The following BCL2 variants were observed in gnomAD, a reference collection of about 807,000 sequenced individuals.
BCL2 encodes apoptosis regulator Bcl-2.
BCL2 carries 1 observed loss-of-function variant against 14.2 expected under a neutral mutation model. The observed-to-expected ratio is 0.07, with a 90% CI of 0.02 to 0.33. The LOEUF is 0.33. Ranked by LOEUF, BCL2 falls within the 10% of genes least tolerant of loss-of-function variation. BCL2 has a pLI of 0.99. For missense variants in BCL2, 247 were observed against 305.9 expected (o/e 0.81, Z 1.44); for synonymous variants, 151 against 137.2 (o/e 1.10, Z -0.70).
chr18:63,255,241 T>C (rs539997223), intron 2 of BCL2, among the ~76,000 whole-genome samples: 1 of 152,242 alleles, frequency 6.6e-6, no homozygotes, highest in South Asian at 2.1e-4. Flanking sequence ...TTCTGTGGTA[T>C]ATGTTCCTGG....
At chr18:63,199,642 C>A (rs1330049427) in intron 2 of BCL2, among the ~76,000 whole-genome samples, 3 of 151,998 alleles carry the variant, frequency 2.0e-5, no homozygotes, top group Non-Finnish European at 4.4e-5. Flanking sequence ...GAGACACACA[C>A]ATACACGCAG....
chr18:63,254,657 A>G (rs9972996), intron 2 of BCL2, among the ~76,000 whole-genome samples: 112,968 of 152,046 alleles, frequency 0.74, 43,412 homozygotes, highest in Non-Finnish European at 0.85. Context: ...TATTTGAAAC[A>G]TCCATATGTT....
chr18:63,245,502 A>C (rs2144199322), intron 2 of BCL2, among the ~76,000 whole-genome samples: 1 of 152,344 alleles, frequency 6.6e-6, no homozygotes, highest in East Asian at 1.9e-4. Context: ...TTTCTCATAC[A>C]TAAAAGTACA....
intron 2 of BCL2, among the ~76,000 whole-genome samples, chr18:63,189,297 A>G (rs1915665046): frequency 2.6e-5 from 4 of 152,106 alleles, no homozygotes; most frequent in African/African-American, 9.7e-5. Context: ...CAATCCAGTC[A>G]TACTAATAAC....
At chr18:63,223,129 T>C (rs1238895942) in intron 2 of BCL2, among the ~76,000 whole-genome samples, 1 of 152,078 alleles carries the variant, frequency 6.6e-6, no homozygotes, top group Non-Finnish European at 1.5e-5. Flanking sequence ...GGGCAGGGCG[T>C]GGTGGCTCAC....
intron 2 of BCL2, among the ~76,000 whole-genome samples, chr18:63,281,617 T>C (rs1912310494): frequency 1.3e-5 from 2 of 150,022 alleles, no homozygotes; most frequent in Admixed American, 6.7e-5. Flanking sequence ...CAGTGAGCCA[T>C]GTTCATGCCA....
In BCL2 at chr18:63,126,351, G is replaced by A; in HGVS notation, c.*2274C>T. 4.5e-6 allele frequency: 1 copy of A among 221,070 alleles called. No individual in the cohort carries two copies. The highest frequency in any genetic ancestry group is 9.1e-6 in the Non-Finnish European group (1 of 109,956). The allele number at this position is 221,070 out of a possible 1,614,324, so 13.7% of individuals were successfully genotyped here. A position where few individuals can be genotyped will look rare whatever the true frequency, so the allele number is the denominator to read the frequency against. On this transcript the variant is annotated 3_prime_UTR_variant, in exon 3 of 3. Transcript: ENST00000333681. The stretch of plus-strand genomic sequence containing the variant: ...GGGCAGGAGGGCTCTGGGTGGGTCT[G>A]TGTTGAAACAGGCCACGTAAAGCAA...
chr18:63,199,018 C>T (rs900733585), intron 2 of BCL2, among the ~76,000 whole-genome samples: 4 of 150,276 alleles, frequency 2.7e-5, no homozygotes, highest in African/African-American at 9.8e-5. Context: ...CACACACAGA[C>T]ACACACTGAC....
intron 2 of BCL2, among the ~76,000 whole-genome samples, chr18:63,291,438 G>C (rs1442431250): frequency 6.6e-6 from 1 of 152,176 alleles, no homozygotes; most frequent in Non-Finnish European, 1.5e-5. Flanking sequence ...GACCTAGTTG[G>C]ACAGCTACCT....
intron 2 of BCL2, among the ~76,000 whole-genome samples, chr18:63,229,415 C>A (rs982607862): frequency 1.3e-5 from 2 of 151,972 alleles, no homozygotes; most frequent in Non-Finnish European, 2.9e-5. Flanking sequence ...AGTATTTGTC[C>A]CCCCGAATCT....
chr18:63,127,570 T>C lies in BCL2; in HGVS notation c.*1055A>G, dbSNP rs917327474. ...TTCGGAGACCACACTGCCCTGTTGATCATCCCTGGAGGAGGCCAGTGAGGG... is the reference window on the plus strand; with the variant it reads ...TTCGGAGACCACACTGCCCTGTTGACCATCCCTGGAGGAGGCCAGTGAGGG... On this transcript the variant is annotated 3_prime_UTR_variant, in exon 3 of 3. Coordinates refer to ENST00000333681, the MANE Select transcript of BCL2 (RefSeq NM_000633.3). The C allele has an allele frequency of 8.7e-6, 2 of 231,176 alleles. No homozygotes were observed. Among genetic ancestry groups the C allele is most frequent in the Non-Finnish European group, 1.7e-5 (2 of 116,710 alleles). 14.3% of individuals were successfully genotyped at this position (231,176 alleles called of 1,614,324 possible). A position where few individuals can be genotyped will look rare whatever the true frequency, so the allele number is the denominator to read the frequency against.
intron 2 of BCL2, among the ~76,000 whole-genome samples, chr18:63,294,031 C>G (rs1912729325): frequency 6.6e-6 from 1 of 151,864 alleles, no homozygotes; most frequent in Non-Finnish European, 1.5e-5. Flanking sequence ...AGAGCAAAAG[C>G]CTGTCATTCT....
At chr18:63,311,749 C>T (rs1274737450) in intron 2 of BCL2, among the ~76,000 whole-genome samples, 1 of 152,220 alleles carries the variant, frequency 6.6e-6, no homozygotes, top group Non-Finnish European at 1.5e-5. Flanking sequence ...GTGTCTTCCA[C>T]AGTTAACCTG....
At chr18:63,312,704 C>T (rs1192641227) in intron 2 of BCL2, among the ~76,000 whole-genome samples, 2 of 152,112 alleles carry the variant, frequency 1.3e-5, no homozygotes, top group African/African-American at 4.8e-5. Flanking sequence ...AAGGAAGAGC[C>T]CCCGCTCTGG....
intron 2 of BCL2, among the ~76,000 whole-genome samples, chr18:63,295,957 G>A (rs1218091698): frequency 6.6e-6 from 1 of 152,126 alleles, no homozygotes; most frequent in Non-Finnish European, 1.5e-5. Flanking sequence ...AACGCCCCCT[G>A]GTTGTGACCA....
chr18:63,234,658 T>C (rs1442526270), intron 2 of BCL2, among the ~76,000 whole-genome samples: 1 of 152,214 alleles, frequency 6.6e-6, no homozygotes, highest in Non-Finnish European at 1.5e-5. Context: ...ATACTCATAG[T>C]AGTTATGACT....
At chr18:63,143,191 A>G (rs1297790832) in intron 2 of BCL2, among the ~76,000 whole-genome samples, 1 of 152,276 alleles carries the variant, frequency 6.6e-6, no homozygotes, top group Non-Finnish European at 1.5e-5. Context: ...AAGCAAAAAC[A>G]GAAACTCAGA....
intron 2 of BCL2, chr18:63,161,966 G>C (rs1288760085): frequency 6.6e-6 from 1 of 152,198 alleles, no homozygotes; most frequent in Non-Finnish European, 1.5e-5. Context: ...TGCTGGTTGA[G>C]TGTTATCTAT....
intron 2 of BCL2, among the ~76,000 whole-genome samples, chr18:63,218,792 C>A: frequency 9.5e-6 from 1 of 105,042 alleles, no homozygotes. Context: ...CACTCATCCC[C>A]ATCTACTCAT....
Sources: gnomAD v4.1 joint callset for allele counts (sites outside exome capture counted in the v4.1 genomes callset) on GRCh38, gnomAD v4.1.1 for gene constraint, MANE v1.5 for transcripts, NCBI Gene and HGNC (gene_info 2026-07-23, HGNC 2026-07-21) for gene names.